The following HMGCLL1 variants were observed in gnomAD, a reference collection of about 807,000 sequenced individuals.
The protein encoded by HMGCLL1 is 3-hydroxy-3-methylglutaryl-CoA lyase like 1.
A neutral mutation model predicts 39.1 loss-of-function variants in HMGCLL1; 36 were observed. The ratio of observed to expected loss-of-function variants is 0.92; its 90% CI spans 0.71 to 1.22. The LOEUF is 1.22. Among genes scored for constraint, HMGCLL1 ranks in the 50% most tolerant of loss-of-function variants. The probability of loss-of-function intolerance (pLI) is 0.00; values close to 1 mark genes in which losing one functional copy is unlikely to be tolerated. For synonymous variants in HMGCLL1, 149 were observed against 144.0 expected (o/e 1.03, Z -0.25); for missense variants, 451 against 416.5 (o/e 1.08, Z -0.72).
the HMGCLL1 span, among the ~76,000 whole-genome samples, chr6:55,632,865 G>T: frequency 5.9e-5 from 9 of 152,038 alleles, no homozygotes; most frequent in Non-Finnish European, 1.0e-4. Flanking sequence ...TCAGTGTATA[G>T]TTGATTCTCC....
the HMGCLL1 span, among the ~76,000 whole-genome samples, chr6:55,600,204 C>A: frequency 2.0e-5 from 3 of 152,004 alleles, no homozygotes. Context: ...TTATTGTTGA[C>A]ATTTTAAATC....
chr6:55,635,398 T>C, the HMGCLL1 span, among the ~76,000 whole-genome samples: 62,042 of 151,716 alleles, frequency 0.41, 13,305 homozygotes, highest in Middle Eastern at 0.56. Context: ...GGCCAAGACC[T>C]GACTGTTTTG....
In HMGCLL1 at chr6:55,558,219, C is replaced by G. The variant is rs571020617; in HGVS notation, c.109-16079G>C. On this transcript the variant is annotated intron_variant, in intron 1 of 8. Transcript: ENST00000274901. Reference sequence around the variant, plus strand: ...TACTAAGGTTAATTTTTCTGTCAAACTTTATTTAACATAGGATTAAGTTTA... The same window carrying G: ...TACTAAGGTTAATTTTTCTGTCAAAGTTTATTTAACATAGGATTAAGTTTA... Among the ~76,000 whole-genome samples the G allele has an allele frequency of 7.1e-4, 108 of 152,254 alleles. 1 individual carries two copies. The highest frequency in any genetic ancestry group is 7.0e-3 in the Admixed American group (107 of 15,290).
intron 7 of HMGCLL1, among the ~76,000 whole-genome samples, chr6:55,491,464 T>G (rs1263037978): frequency 1.3e-5 from 2 of 152,136 alleles, no homozygotes; most frequent in African/African-American, 4.8e-5. Context: ...AAAAGGCACA[T>G]TAAAGTTTAT....
chr6:55,439,154 G>A (rs1001852406), intron 8 of HMGCLL1, among the ~76,000 whole-genome samples: 3 of 152,050 alleles, frequency 2.0e-5, no homozygotes, highest in Non-Finnish European at 4.4e-5. Context: ...CTCACAAAGT[G>A]TATAAAATCA....
upstream of HMGCLL1, among the ~76,000 whole-genome samples, chr6:55,581,987 C>G (rs994490584): frequency 2.6e-5 from 4 of 152,208 alleles, no homozygotes; most frequent in African/African-American, 9.6e-5. Flanking sequence ...CTTAATCCCA[C>G]CAATCTGTCA....
chr6:55,572,720 T>C (rs963761789), intron 1 of HMGCLL1, among the ~76,000 whole-genome samples: 9 of 152,170 alleles, frequency 5.9e-5, no homozygotes, highest in Non-Finnish European at 1.3e-4. Context: ...TTAAACTAAA[T>C]TGCACAATTG....
the HMGCLL1 span, among the ~76,000 whole-genome samples, chr6:55,659,542 A>T: frequency 4.0e-5 from 6 of 151,894 alleles, no homozygotes; most frequent in Non-Finnish European, 8.8e-5. Context: ...GAAGGAAGGA[A>T]ATGCAATTAG....
intron 1 of HMGCLL1, among the ~76,000 whole-genome samples, chr6:55,551,673 A>G (rs1770334975): frequency 6.6e-6 from 1 of 152,000 alleles, no homozygotes; most frequent in African/African-American, 2.4e-5. Context: ...TCACCAGTAC[A>G]GCCTCTACCC....
the HMGCLL1 span, among the ~76,000 whole-genome samples, chr6:55,650,134 T>TATAC: frequency 3.2e-4 from 17 of 53,320 alleles, no homozygotes; most frequent in South Asian, 7.3e-4. Context: ...TATATATATA[T>TATAC]ACACACACAC....
At chr6:55,601,172 C>T in the HMGCLL1 span, among the ~76,000 whole-genome samples, 2 of 152,038 alleles carry the variant, frequency 1.3e-5, no homozygotes, top group Non-Finnish European at 2.9e-5. Flanking sequence ...AACTGTTTTT[C>T]TTGGGAATTG....
intron 4 of HMGCLL1, among the ~76,000 whole-genome samples, chr6:55,515,003 C>T (rs1376775136): frequency 2.0e-5 from 3 of 151,966 alleles, no homozygotes; most frequent in African/African-American, 7.3e-5. Flanking sequence ...GCCTGTAATC[C>T]CAGCACTTTG....
intron 3 of HMGCLL1, among the ~76,000 whole-genome samples, chr6:55,523,270 C>T (rs552622828): frequency 1.3e-5 from 2 of 151,920 alleles, no homozygotes; most frequent in South Asian, 4.1e-4. Context: ...CTGAGAAGTC[C>T]TAGGTAAACA....
At chr6:55,451,507 G>A (rs1185116449) in intron 7 of HMGCLL1, among the ~76,000 whole-genome samples, 2 of 151,932 alleles carry the variant, frequency 1.3e-5, no homozygotes, top group Non-Finnish European at 2.9e-5. Context: ...CTGAGATCGC[G>A]CCATTGCACT....
intron 1 of HMGCLL1, among the ~76,000 whole-genome samples, chr6:55,544,639 G>A (rs1769851753): frequency 6.6e-6 from 1 of 152,124 alleles, no homozygotes; most frequent in Admixed American, 6.6e-5. Context: ...CAAGTCTGTG[G>A]AACAAAAAAT....
At chr6:55,574,322 G>A (rs1490278831) in intron 1 of HMGCLL1, among the ~76,000 whole-genome samples, 7 of 151,842 alleles carry the variant, frequency 4.6e-5, no homozygotes, top group Non-Finnish European at 7.4e-5. Context: ...AATGGATATT[G>A]ACTGTATGCA....
the HMGCLL1 span, among the ~76,000 whole-genome samples, chr6:55,658,703 T>G: frequency 6.6e-6 from 1 of 151,958 alleles, no homozygotes; most frequent in Non-Finnish European, 1.5e-5. Flanking sequence ...ACAAATACTT[T>G]TGTTAGGTAT....
At chr6:55,478,377 C>T (rs1399559095) in intron 7 of HMGCLL1, among the ~76,000 whole-genome samples, 1 of 151,102 alleles carries the variant, frequency 6.6e-6, no homozygotes, top group Non-Finnish European at 1.5e-5. Context: ...TTTCTACAGA[C>T]ATTTTAAACT....
At chr6:55,438,111 G>C (rs552458469) in intron 8 of HMGCLL1, among the ~76,000 whole-genome samples, 34 of 152,134 alleles carry the variant, frequency 2.2e-4, no homozygotes, top group African/African-American at 7.7e-4. Context: ...TCAGCTATCA[G>C]CTATGGAGTT....
Sources: allele counts gnomAD v4.1 joint callset (sites outside exome capture counted in the v4.1 genomes callset), GRCh38; gene constraint gnomAD v4.1.1; transcripts MANE v1.5; gene names NCBI Gene and HGNC (gene_info 2026-07-23, HGNC 2026-07-21).